The following MAP4K5 variants were observed in gnomAD, a reference collection of about 807,000 sequenced individuals.
The protein encoded by MAP4K5 is mitogen-activated protein kinase kinase kinase kinase 5, also known as MAPK/ERK kinase kinase kinase 5.
A neutral mutation model predicts 135.6 loss-of-function variants in MAP4K5; 82 were observed. That is an observed-to-expected ratio of 0.60 (90% CI 0.51 to 0.73). The LOEUF (loss-of-function observed/expected upper bound fraction) is 0.73, where lower values mean the gene tolerates loss of function less well. Among genes scored for constraint, MAP4K5 ranks in the 30% least tolerant of loss-of-function variants. The pLI, the probability that MAP4K5 is intolerant of heterozygous loss-of-function variation, is 0.00. For missense variants in MAP4K5, 907 were observed against 1,010.9 expected, an observed-to-expected ratio of 0.90 and a Z score of 1.39; for synonymous variants, 347 against 335.0, an observed-to-expected ratio of 1.04 and a Z score of -0.39.
chr14:50,476,366 AAT>A, intron 6 of MAP4K5, 60 bp from the exon 7 acceptor site: 2 of 806,458 alleles, frequency 2.5e-6, no homozygotes, highest in Non-Finnish European at 1.8e-6. Context: ...GTGACTCCTA[AAT>A]TTTCTACTTA....
At chr14:50,552,666 A>G (rs1004664738) in intron 1 of MAP4K5, among the ~76,000 whole-genome samples, 2 of 152,240 alleles carry the variant, frequency 1.3e-5, no homozygotes, top group African/African-American at 4.8e-5. Context: ...AAAAATAGGC[A>G]TGTAGACCAA....
At chr14:50,511,421 A>G (rs1408406631) in intron 2 of MAP4K5, among the ~76,000 whole-genome samples, 1 of 152,118 alleles carries the variant, frequency 6.6e-6, no homozygotes, top group African/African-American at 2.4e-5. Flanking sequence ...GGGGGAAGGG[A>G]GGAATAGGGA....
intron 28 of MAP4K5, among the ~76,000 whole-genome samples, chr14:50,433,569 T>C (rs774333418): frequency 6.6e-6 from 1 of 152,202 alleles, no homozygotes; most frequent in East Asian, 1.9e-4. Context: ...TTCTATATTA[T>C]AATGAGTTCT....
At chr14:50,504,074 A>C (rs2037760902) in intron 3 of MAP4K5, among the ~76,000 whole-genome samples, 1 of 152,054 alleles carries the variant, frequency 6.6e-6, no homozygotes, top group Non-Finnish European at 1.5e-5. Flanking sequence ...CAGTACTATT[A>C]TCTCTCTAAT....
intron 14 of MAP4K5, among the ~76,000 whole-genome samples, chr14:50,453,628 C>T (rs756312606): frequency 6.6e-6 from 1 of 152,082 alleles, no homozygotes; most frequent in African/African-American, 2.4e-5. Flanking sequence ...AGTCCAGATG[C>T]AGAGCTTCAA....
intron 1 of MAP4K5, among the ~76,000 whole-genome samples, chr14:50,553,644 A>C (rs1458732786): frequency 1.3e-5 from 2 of 152,236 alleles, no homozygotes; most frequent in East Asian, 3.8e-4. Flanking sequence ...AAAAAGATGA[A>C]TGCACACGCA....
At position 50,425,803 on chromosome 14, in the gene MAP4K5, A is replaced by G. The variant is rs1002794100; in HGVS notation, c.2397+104T>C. On this transcript the variant is annotated intron_variant, in intron 31 of 32. Transcript: ENST00000682126. ...TCTACCAGTTCATAGTATTAAAAGC[A>G]CTAAACACAGTAATGTAGGTTCAGA... The G allele has an allele frequency of 2.1e-5, 15 of 718,610 alleles. No homozygotes were observed. The East Asian group carries it at 4.0e-4, about 19-fold the overall frequency. The allele number at this position is 718,610 out of a possible 1,614,324, so 44.5% of individuals were successfully genotyped here.
At chr14:50,525,166 G>T (rs1378452405) in intron 2 of MAP4K5, among the ~76,000 whole-genome samples, 1 of 152,098 alleles carries the variant, frequency 6.6e-6, no homozygotes, top group Non-Finnish European at 1.5e-5. Context: ...AACTCTCAAG[G>T]CCAGAGGTGC....
intron 2 of MAP4K5, among the ~76,000 whole-genome samples, chr14:50,511,087 CTG>C (rs1052365535): frequency 2.6e-5 from 4 of 152,216 alleles, no homozygotes; most frequent in African/African-American, 9.6e-5. Flanking sequence ...CATAAACAAA[CTG>C]TGGTAAATCC....
chr14:50,470,004 T>A (rs758439339), intron 9 of MAP4K5, among the ~76,000 whole-genome samples: 3 of 152,164 alleles, frequency 2.0e-5, no homozygotes, highest in Non-Finnish European at 4.4e-5. Context: ...TATATGCAAG[T>A]GCTACATACA....
At chr14:50,486,233 A>G in intron 3 of MAP4K5, 39 bp from the exon 4 acceptor site, 1 of 699,418 alleles carries the variant, frequency 1.4e-6, no homozygotes, top group East Asian at 3.0e-5. Flanking sequence ...GTTACTCAAA[A>G]TCTCTACATA....
chr14:50,535,260 C>G (rs537574527), upstream of MAP4K5, among the ~76,000 whole-genome samples: 9 of 152,250 alleles, frequency 5.9e-5, no homozygotes, highest in African/African-American at 2.2e-4. Context: ...TTAGCCAAGG[C>G]TGAATAAAAA....
At chr14:50,425,755 A>T (rs768977328) in intron 31 of MAP4K5, among the ~76,000 whole-genome samples, 152 bp downstream of exon 31, 2 of 152,236 alleles carry the variant, frequency 1.3e-5, no homozygotes, top group African/African-American at 4.8e-5. Context: ...ACATAGTTGA[A>T]GGGAAAATAC....
intron 3 of MAP4K5, among the ~76,000 whole-genome samples, chr14:50,489,926 G>A (rs1391407214): frequency 2.6e-5 from 4 of 152,172 alleles, no homozygotes; most frequent in African/African-American, 9.7e-5. Context: ...ACACAGGAAA[G>A]GGAGAAATAC....
intron 13 of MAP4K5, among the ~76,000 whole-genome samples, chr14:50,460,222 CAT>C (rs1404395238): frequency 5.3e-5 from 8 of 152,122 alleles, no homozygotes; most frequent in East Asian, 1.9e-4. Context: ...CATTCCATCA[CAT>C]GTGTAAATTA....
chr14:50,525,607 G>C (rs1292557700), intron 2 of MAP4K5, among the ~76,000 whole-genome samples: 2 of 152,148 alleles, frequency 1.3e-5, no homozygotes, highest in Non-Finnish European at 2.9e-5. Flanking sequence ...AGGCAGAGGT[G>C]GATGGATTGC....
chr14:50,448,878 G>A, intron 14 of MAP4K5, 46 bp from the exon 15 acceptor site: 3 of 794,872 alleles, frequency 3.8e-6, no homozygotes, highest in East Asian at 3.3e-5. Context: ...ATCTCAAAGG[G>A]TTGATCTCAG....
At chr14:50,529,134 A>G (rs1479257868) in intron 2 of MAP4K5, among the ~76,000 whole-genome samples, 1 of 152,092 alleles carries the variant, frequency 6.6e-6, no homozygotes, top group East Asian at 1.9e-4. Flanking sequence ...TGTAATTTCA[A>G]TACTTTGGGA....
chr14:50,423,296 C>A lies in MAP4K5; in HGVS notation c.2398-120G>T, dbSNP rs1206315744. On this transcript the variant is annotated intron_variant, in intron 31 of 32. Transcript: ENST00000682126. ...ATATTTTTTGGTAGACTTAATTCCT[C>A]AAATAAAAGAAATTTTAGTAAGTTT... is the stretch of plus-strand genomic sequence containing the variant. 8.0e-6 allele frequency: 4 copies of A among 498,898 alleles called. No individual in the cohort carries two copies. The Admixed American group carries it at 1.4e-4, about 17-fold the overall frequency. 30.9% of individuals were successfully genotyped at this position (498,898 alleles called of 1,614,324 possible). A position where few individuals can be genotyped will look rare whatever the true frequency, so the allele number is the denominator to read the frequency against.
Sources: allele counts gnomAD v4.1 joint callset (sites outside exome capture counted in the v4.1 genomes callset), GRCh38; gene constraint gnomAD v4.1.1; transcripts MANE v1.5; gene names NCBI Gene and HGNC (gene_info 2026-07-23, HGNC 2026-07-21).